Variants in MYOM3 observed in about 807,000 individuals in gnomAD.
MYOM3 encodes the protein myomesin 3, also known as myomesin-3.
Under a neutral mutation model 191.7 loss-of-function variants are expected in MYOM3, and 155 were observed. The observed-to-expected ratio is 0.81, with a 90% CI of 0.71 to 0.92. The LOEUF is 0.92. MYOM3 is among the 40% of genes least tolerant of loss of function. The pLI, the probability that MYOM3 is intolerant of heterozygous loss-of-function variation, is 0.00. For synonymous variants in MYOM3, 757 were observed against 762.9 expected (o/e 0.99, Z 0.13); for missense variants, 1,889 against 1,890.6 (o/e 1.00, Z 0.02).
Position 24,093,036 on chromosome 1 carries a change from C to T in MYOM3, c.1001G>A (p.Cys334Tyr). 1.2e-6 allele frequency: 2 copies of T among 1,612,938 alleles called. No individual in the cohort carries two copies. Among genetic ancestry groups the T allele is most frequent in the Non-Finnish European group, 1.7e-6 (2 of 1,179,592 alleles). Residue 334 changes from cysteine to tyrosine, a missense_variant, in exon 10 of 37, where the codon TGC becomes TAC. Cys to Tyr is a radical substitution (Grantham distance 194). Transcript: ENST00000374434. ...TDRQASLKVS[C>Y]TYKEDEGLYM... ...GAGCCCCTCGTCCTCCTTGTAGGTG[C>T]AGGACACCTTCAGGGATGCCTGGCG...
At chr1:24,059,145 A>G (rs916438843) in intron 35 of MYOM3, among the ~76,000 whole-genome samples, 166 bp from the exon 36 acceptor site, 3 of 151,702 alleles carry the variant, frequency 2.0e-5, no homozygotes, top group African/African-American at 7.3e-5. Context: ...TTCAAAATTA[A>G]TTTTTTGAGA....
chr1:24,060,903 G>C (rs536412486), intron 35 of MYOM3, among the ~76,000 whole-genome samples, 157 bp downstream of exon 35: 1 of 152,202 alleles, frequency 6.6e-6, no homozygotes, highest in South Asian at 2.1e-4. Flanking sequence ...TTCTGTCTCT[G>C]TCTTGCCCAG....
At chr1:24,110,074 A>G (rs1644025733) in intron 1 of MYOM3, among the ~76,000 whole-genome samples, 1 of 152,074 alleles carries the variant, frequency 6.6e-6, no homozygotes, top group Admixed American at 6.5e-5. Context: ...TTTTGCACTG[A>G]GTTTTCTCAT....
intron 36 of MYOM3, among the ~76,000 whole-genome samples, chr1:24,058,234 T>A (rs1355487692): frequency 6.6e-6 from 1 of 152,230 alleles, no homozygotes; most frequent in Non-Finnish European, 1.5e-5. Context: ...GTCACTACGA[T>A]TTTACAATGC....
intron 22 of MYOM3, among the ~76,000 whole-genome samples, chr1:24,074,569 G>A (rs1332503535): frequency 3.3e-5 from 5 of 152,312 alleles, no homozygotes; most frequent in East Asian, 1.9e-4. Flanking sequence ...AGCTGAGGCC[G>A]TGAGCCGCTG....
intron 25 of MYOM3, 120 bp downstream of exon 25, chr1:24,070,997 A>G (rs148581159): frequency 7.8e-7 from 1 of 1,282,642 alleles, no homozygotes; most frequent in African/African-American, 1.5e-5. Context: ...CAGCAAAAGC[A>G]CACCGTCATT....
chr1:24,088,484 G>C (rs1643773813), intron 14 of MYOM3, among the ~76,000 whole-genome samples: 1 of 152,194 alleles, frequency 6.6e-6, no homozygotes, highest in African/African-American at 2.4e-5. Flanking sequence ...TCACGCAGCT[G>C]GTAAGTAGCA....
Position 24,111,058 on chromosome 1 carries a change from G to A in MYOM3, c.-19+973C>T, listed in dbSNP as rs777922264. Among the ~76,000 whole-genome samples, 1 of 152,232 alleles carries A rather than the reference G, an allele frequency of 6.6e-6. No individual in the cohort carries two copies. The highest frequency in any genetic ancestry group is 1.5e-5 in the Non-Finnish European group (1 of 68,046). On this transcript the variant is annotated intron_variant, in intron 1 of 36. Coordinates refer to ENST00000374434, the MANE Select transcript of MYOM3 (RefSeq NM_152372.4). This position sits in a 1 kb window ranked among gnomAD's most constrained non-coding sequence, Gnocchi z 4.7. ...CAGCAACCAGACCCCTGGCTTTAGC[G>A]GATGAGCTACCAATTCTTTTTAAAG...
rs765031201 is a variant in MYOM3, at chr1:24,111,597, C to G, written c.-19+434G>C. Among the ~76,000 whole-genome samples the G allele has an allele frequency of 2.0e-5, 3 of 152,186 alleles. No homozygotes were observed. Among genetic ancestry groups the G allele is most frequent in the Non-Finnish European group, 4.4e-5 (3 of 68,034 alleles). On this transcript the variant is annotated intron_variant, in intron 1 of 36. Transcript: ENST00000374434. This position sits in a 1 kb window ranked among gnomAD's most constrained non-coding sequence, Gnocchi z 4.7. ...CTCTAAGATTTGGGATCCGAGGGCT[C>G]GCTCTCTTTCCCTGCCTGTGGGGTT...
chr1:24,058,034 T>G (rs1392631175), intron 36 of MYOM3, among the ~76,000 whole-genome samples: 1 of 152,108 alleles, frequency 6.6e-6, no homozygotes, highest in South Asian at 2.1e-4. Flanking sequence ...CTTAAACTCC[T>G]GACCTCAAGT....
At chr1:24,109,053 A>G (rs1049141671) in intron 1 of MYOM3, among the ~76,000 whole-genome samples, 4 of 152,176 alleles carry the variant, frequency 2.6e-5, no homozygotes, top group Non-Finnish European at 5.9e-5. Flanking sequence ...GGCTGTGTCT[A>G]TGACTCAGGA....
At position 24,063,820 on chromosome 1, in the gene MYOM3, G is replaced by T. The variant is rs1013095165; in HGVS notation, c.3622+252C>A. Among the ~76,000 whole-genome samples, 4 of 152,114 alleles carry T rather than the reference G, an allele frequency of 2.6e-5. No homozygotes were observed. Among genetic ancestry groups the T allele is most frequent in the Non-Finnish European group, 5.9e-5 (4 of 68,016 alleles). ...AGCCTGGGCCCACTGTGGGACGGAG[G>T]AGTGAACTCAGGCTTCGGGTCTCCA... On this transcript the variant is annotated intron_variant, in intron 30 of 36. Transcript: ENST00000374434. This position sits in a 1 kb window ranked among gnomAD's most constrained non-coding sequence, Gnocchi z 4.5.
chr1:24,082,634 C>G lies in MYOM3; in HGVS notation c.2051G>C (p.Ser684Thr), dbSNP rs763617471. ...CCTGATGGGCTCGGTGGCGGCTGAG[C>G]TCTCGCCTACCCCAGCCTCGCTGAC... ...RSVSEAGVGESSAATEPIRVK... is the reference protein window; with the variant it reads ...RSVSEAGVGETSAATEPIRVK... The change falls in exon 17 of 37, where the codon AGC becomes ACC. Residue 684 changes from serine to threonine, a missense_variant. Coordinates refer to ENST00000374434, the MANE Select transcript of MYOM3 (RefSeq NM_152372.4). 26 of 1,612,332 alleles carry G rather than the reference C, an allele frequency of 1.6e-5. No homozygotes were observed. Among genetic ancestry groups the G allele is most frequent in the Non-Finnish European group, 2.1e-5 (25 of 1,179,444 alleles).
chr1:24,105,466 G>A (rs3934861), intron 5 of MYOM3, among the ~76,000 whole-genome samples: 81,461 of 152,148 alleles, frequency 0.54, 22,554 homozygotes, highest in African/African-American at 0.67. Context: ...GCCTCTCACC[G>A]TCATCCTCAA....
intron 12 of MYOM3, 56 bp from the exon 13 acceptor site, chr1:24,090,174 A>G: frequency 7.1e-7 from 1 of 1,410,946 alleles, no homozygotes; most frequent in Non-Finnish European, 1.0e-6. Context: ...GAGTTAGGCC[A>G]GGAGCTACCC....
chr1:24,076,906 C>T (rs1643608046), intron 20 of MYOM3, among the ~76,000 whole-genome samples: 2 of 152,146 alleles, frequency 1.3e-5, no homozygotes, highest in African/African-American at 4.8e-5. Flanking sequence ...ACTGCAACCT[C>T]TGCTTCTCCG....
intron 9 of MYOM3, among the ~76,000 whole-genome samples, chr1:24,093,614 A>G (rs922940383): frequency 6.6e-6 from 1 of 151,760 alleles, no homozygotes; most frequent in African/African-American, 2.4e-5. Context: ...TAGGAGGTGG[A>G]TGGGGACTCA....
intron 28 of MYOM3, 115 bp downstream of exon 28, chr1:24,066,906 C>A: frequency 1.0e-6 from 1 of 988,472 alleles, no homozygotes; most frequent in Non-Finnish European, 1.5e-6. Context: ...TGCGATCAGC[C>A]AAGCACAGAG....
intron 15 of MYOM3, 95 bp downstream of exon 15, chr1:24,086,549 G>T: frequency 7.8e-7 from 1 of 1,281,130 alleles, no homozygotes; most frequent in Non-Finnish European, 1.1e-6. Flanking sequence ...AAGGGAGCGG[G>T]GACAGGGAAG....
Sources: allele counts gnomAD v4.1 joint callset (sites outside exome capture counted in the v4.1 genomes callset), GRCh38; gene constraint gnomAD v4.1.1; non-coding constraint Gnocchi (gnomAD v3.1); transcripts MANE v1.5; gene names NCBI Gene and HGNC (gene_info 2026-07-23, HGNC 2026-07-21).